SEMA5A: variants seen among roughly 807,000 people sequenced by gnomAD.
SEMA5A encodes the protein semaphorin 5A, also known as semaphorin-5A.
In SEMA5A, 55 loss-of-function variants were observed where a neutral mutation model predicts 135.5. The observed-to-expected ratio is 0.41, with a 90% CI of 0.33 to 0.51. The LOEUF is 0.51. Ranked by LOEUF, SEMA5A falls within the 20% of genes least tolerant of loss-of-function variation. The probability of loss-of-function intolerance (pLI) is 0.37; values close to 1 mark genes in which losing one functional copy is unlikely to be tolerated. For synonymous variants in SEMA5A, 580 were observed against 546.5 expected (o/e 1.06, Z -0.85); for missense variants, 1,290 against 1,419.9 (o/e 0.91, Z 1.47).
intron 1 of SEMA5A, among the ~76,000 whole-genome samples, chr5:9,500,862 T>C (rs1735561159): frequency 6.6e-6 from 1 of 152,228 alleles, no homozygotes; most frequent in Non-Finnish European, 1.5e-5. Flanking sequence ...AGGCTTTCCC[T>C]GCCTTCCTGG....
In SEMA5A at chr5:9,197,728, T is replaced by TTGTGTGTGTG. The variant is rs70943946; in HGVS notation, c.933-435_933-426dup. Reference sequence around the variant, plus strand: ...TTTGCCCAGCAGCAGGGAAAGCTGTTTGTGTGTGTGTGTGTGTGTGTGTGT... The same window carrying TTGTGTGTGTG: ...TTTGCCCAGCAGCAGGGAAAGCTGTTTGTGTGTGTGTGTGTGTGTGTGTGTGTGTGTGTGT... On this transcript the variant is annotated intron_variant, in intron 9 of 22. Coordinates refer to ENST00000382496, the MANE Select transcript of SEMA5A (RefSeq NM_003966.3). Among the ~76,000 whole-genome samples, 45 of 59,296 alleles carry TTGTGTGTGTG rather than the reference T, an allele frequency of 7.6e-4. 1 individual carries two copies. The highest frequency in any genetic ancestry group is 2.9e-3 in the African/African-American group (39 of 13,402). 38.9% of individuals were successfully genotyped at this position (59,296 alleles called of 152,430 possible).
At chr5:9,312,123 T>C (rs1752166653) in intron 5 of SEMA5A, among the ~76,000 whole-genome samples, 1 of 152,156 alleles carries the variant, frequency 6.6e-6, no homozygotes, top group Non-Finnish European at 1.5e-5. Context: ...GGGCAAATGC[T>C]GTGAATTAGT....
At chr5:9,102,736 A>G (rs150459592) in intron 16 of SEMA5A, among the ~76,000 whole-genome samples, 2 of 152,338 alleles carry the variant, frequency 1.3e-5, no homozygotes, top group East Asian at 3.9e-4. Flanking sequence ...ATACGAAAAT[A>G]TTTACAATAA....
intron 12 of SEMA5A, among the ~76,000 whole-genome samples, chr5:9,143,645 A>T (rs1742179870): frequency 6.6e-6 from 1 of 152,220 alleles, no homozygotes; most frequent in Non-Finnish European, 1.5e-5. Flanking sequence ...AATTTAAAAA[A>T]CAGTGATGGG....
At chr5:9,352,482 T>C (rs1754172773) in intron 3 of SEMA5A, among the ~76,000 whole-genome samples, 1 of 152,068 alleles carries the variant, frequency 6.6e-6, no homozygotes, top group South Asian at 2.1e-4. Flanking sequence ...ATTCCCAGGC[T>C]CAAGAGATCC....
Position 9,238,266 on chromosome 5 carries a change from T to C in SEMA5A, c.271-376A>G, listed in dbSNP as rs368198883. Among the ~76,000 whole-genome samples the C allele has an allele frequency of 1.6e-4, 25 of 152,310 alleles. No individual in the cohort carries two copies. The East Asian group carries it at 4.4e-3, about 27-fold the overall frequency. ...TTAAGGGAGAGGCCTTGAGACAAGA[T>C]AATTTAAATATTAATTTTAACATTT... is the stretch of plus-strand genomic sequence containing the variant. On this transcript the variant is annotated intron_variant, in intron 5 of 22. Transcript: ENST00000382496.
At chr5:9,481,389 A>G (rs912590882) in intron 1 of SEMA5A, among the ~76,000 whole-genome samples, 2 of 152,224 alleles carry the variant, frequency 1.3e-5, no homozygotes, top group African/African-American at 2.4e-5. Flanking sequence ...CTAGATCACA[A>G]TGTGGAAGGT....
At chr5:9,095,455 A>G (rs1739265093) in intron 16 of SEMA5A, among the ~76,000 whole-genome samples, 1 of 152,246 alleles carries the variant, frequency 6.6e-6, no homozygotes, top group South Asian at 2.1e-4. Context: ...ACATTCACGT[A>G]GAAGAGATCT....
chr5:9,412,803 G>T (rs539674678), intron 2 of SEMA5A, among the ~76,000 whole-genome samples: 1 of 152,114 alleles, frequency 6.6e-6, no homozygotes, highest in South Asian at 2.1e-4. Context: ...AATGAGATCA[G>T]GTGTAGAATT....
intron 16 of SEMA5A, among the ~76,000 whole-genome samples, chr5:9,072,524 T>C (rs1372505057): frequency 6.6e-6 from 1 of 152,098 alleles, no homozygotes; most frequent in African/African-American, 2.4e-5. Context: ...CCTGAAATGA[T>C]CAGAGGGAAC....
At chr5:9,180,158 C>G (rs1479943522) in intron 11 of SEMA5A, among the ~76,000 whole-genome samples, 1 of 152,140 alleles carries the variant, frequency 6.6e-6, no homozygotes, top group Non-Finnish European at 1.5e-5. Context: ...GTCCACTGTA[C>G]TCCAGTATGA....
Position 9,204,930 on chromosome 5 carries a change from A to G in SEMA5A, c.647-2690T>C, listed in dbSNP as rs562024660. On this transcript the variant is annotated intron_variant, in intron 8 of 22. Coordinates refer to ENST00000382496, the MANE Select transcript of SEMA5A (RefSeq NM_003966.3). This position sits in a 1 kb window ranked among gnomAD's most constrained non-coding sequence, Gnocchi z 6.4. ...TCTAAGTTGTACACATCTTATGAGA[A>G]TCTAATGCCTGATGATCTGAGGCAG... 3.9e-4 allele frequency among the ~76,000 whole-genome samples: 59 copies of G among 152,288 alleles called. No homozygotes were observed. Among genetic ancestry groups the G allele is most frequent in the African/African-American group, 1.3e-3 (56 of 41,564 alleles).
intron 2 of SEMA5A, among the ~76,000 whole-genome samples, chr5:9,418,105 T>G (rs1042000292): frequency 1.3e-5 from 2 of 151,890 alleles, no homozygotes; most frequent in African/African-American, 4.8e-5. Context: ...GCCTCCCGAG[T>G]AGCTGGGACT....
intron 1 of SEMA5A, among the ~76,000 whole-genome samples, chr5:9,524,058 T>G (rs1213186235): frequency 6.6e-6 from 1 of 152,166 alleles, no homozygotes; most frequent in Non-Finnish European, 1.5e-5. Context: ...TGGGGTGGTT[T>G]CTAATGGTTT....
At chr5:9,086,363 G>A (rs577669191) in intron 16 of SEMA5A, among the ~76,000 whole-genome samples, 5 of 152,232 alleles carry the variant, frequency 3.3e-5, no homozygotes, top group Non-Finnish European at 5.9e-5. Flanking sequence ...GAGGGACCTG[G>A]TGTGGGTCTG....
intron 21 of SEMA5A, among the ~76,000 whole-genome samples, chr5:9,049,886 T>C (rs1736472378): frequency 6.6e-6 from 1 of 152,252 alleles, no homozygotes. Context: ...AAAATTCCTC[T>C]AGCACTATAG....
intron 1 of SEMA5A, among the ~76,000 whole-genome samples, chr5:9,458,222 T>C (rs1243504188): frequency 6.6e-6 from 1 of 152,190 alleles, no homozygotes; most frequent in African/African-American, 2.4e-5. Context: ...TCTCTCCTTT[T>C]ATTTAAGGAT....
intron 1 of SEMA5A, among the ~76,000 whole-genome samples, chr5:9,454,819 C>T (rs534510263): frequency 8.5e-4 from 130 of 152,144 alleles, no homozygotes; most frequent in Middle Eastern, 3.4e-3. Flanking sequence ...CTCTTTATGA[C>T]GAAAAGGAAA....
chr5:9,050,024 A>G (rs927365745), intron 21 of SEMA5A, among the ~76,000 whole-genome samples: 2 of 152,196 alleles, frequency 1.3e-5, no homozygotes, highest in African/African-American at 4.8e-5. Flanking sequence ...GAAATTAACT[A>G]TAGTGAATAC....
Sources: gnomAD v4.1 joint callset for allele counts (sites outside exome capture counted in the v4.1 genomes callset) on GRCh38, gnomAD v4.1.1 for gene constraint, Gnocchi (gnomAD v3.1) non-coding constraint, MANE v1.5 for transcripts, NCBI Gene and HGNC (gene_info 2026-07-23, HGNC 2026-07-21) for gene names.